STK32B: variants seen among roughly 807,000 people sequenced by gnomAD.
The protein encoded by STK32B is serine/threonine-protein kinase 32B.
In STK32B, 43 loss-of-function variants were observed where a neutral mutation model predicts 52.6. That is an observed-to-expected ratio of 0.82 (90% CI 0.64 to 1.05). The LOEUF (loss-of-function observed/expected upper bound fraction) is 1.05, where lower values mean the gene tolerates loss of function less well. Among genes scored for constraint, STK32B ranks in the 50% least tolerant of loss-of-function variants. The pLI, the probability that STK32B is intolerant of heterozygous loss-of-function variation, is 0.00. For synonymous variants in STK32B, 238 were observed against 204.3 expected (o/e 1.17, Z -1.41); for missense variants, 621 against 534.6 (o/e 1.16, Z -1.59).
chr4:5,199,965 CTGG>C (rs1181304597), intron 3 of STK32B, among the ~76,000 whole-genome samples: 1 of 152,190 alleles, frequency 6.6e-6, no homozygotes, highest in Non-Finnish European at 1.5e-5. Flanking sequence ...CTTCTTCCCT[CTGG>C]TTGAATGGAA....
At chr4:5,138,002 G>T (rs1000918858) in intron 1 of STK32B, among the ~76,000 whole-genome samples, 1 of 152,160 alleles carries the variant, frequency 6.6e-6, no homozygotes, top group Non-Finnish European at 1.5e-5. Context: ...GGAGTTTCTC[G>T]ACAGGACATG....
At chr4:5,189,925 C>T (rs1270516048) in intron 3 of STK32B, among the ~76,000 whole-genome samples, 1 of 152,148 alleles carries the variant, frequency 6.6e-6, no homozygotes, top group Non-Finnish European at 1.5e-5. Flanking sequence ...CTATTCCCAG[C>T]ATTCAGAACC....
intron 11 of STK32B, among the ~76,000 whole-genome samples, chr4:5,482,682 C>T (rs915297823): frequency 2.0e-5 from 3 of 152,154 alleles, no homozygotes; most frequent in Non-Finnish European, 4.4e-5. Flanking sequence ...AAAGGGAATG[C>T]TTCCAGTTTT....
chr4:5,364,221 T>G lies in STK32B; in HGVS notation c.434+32828T>G, dbSNP rs187376897. 4.0e-3 allele frequency among the ~76,000 whole-genome samples: 602 copies of G among 152,362 alleles called. 1 individual carries two copies. The highest frequency in any genetic ancestry group is 5.0e-3 in the Non-Finnish European group (342 of 68,042). ...GCTGCCAGGGTACAGCATCTTGTCA[T>G]AATTGTTTGCACAAAAATTCAGAAT... On this transcript the variant is annotated intron_variant, in intron 4 of 11. Transcript: ENST00000282908.
intron 3 of STK32B, among the ~76,000 whole-genome samples, chr4:5,229,942 G>C (rs1724138147): frequency 6.6e-6 from 1 of 151,980 alleles, no homozygotes; most frequent in African/African-American, 2.4e-5. Context: ...AACAATCTGA[G>C]ATCATTTTTG....
intron 3 of STK32B, among the ~76,000 whole-genome samples, chr4:5,233,186 G>C (rs911670881): frequency 1.3e-5 from 2 of 152,198 alleles, no homozygotes; most frequent in Non-Finnish European, 2.9e-5. Context: ...CAGCAATGGG[G>C]AATGGACAGG....
Position 5,220,192 on chromosome 4 carries a change from C to T in STK32B, c.260+51742C>T, listed in dbSNP as rs567092582. On this transcript the variant is annotated intron_variant, in intron 3 of 11. Coordinates refer to ENST00000282908, the MANE Select transcript of STK32B (RefSeq NM_018401.3). ...GTAACCTTTAGAGCCATAGCATGTTCGAGAACTATCCAGGGTCCTGAAGCA... is the reference window on the plus strand; with the variant it reads ...GTAACCTTTAGAGCCATAGCATGTTTGAGAACTATCCAGGGTCCTGAAGCA... Among the ~76,000 whole-genome samples the T allele has an allele frequency of 8.5e-5, 13 of 152,280 alleles. No homozygotes were observed. The South Asian group carries it at 1.7e-3, about 19-fold the overall frequency.
chr4:5,229,857 G>A (rs987552980), intron 3 of STK32B, among the ~76,000 whole-genome samples: 8 of 152,148 alleles, frequency 5.3e-5, no homozygotes, highest in African/African-American at 1.9e-4. Context: ...ACAATTTTTG[G>A]GGATGATAAT....
intron 3 of STK32B, among the ~76,000 whole-genome samples, chr4:5,270,787 T>C (rs543158658): frequency 3.9e-5 from 6 of 152,350 alleles, no homozygotes; most frequent in East Asian, 1.9e-4. Flanking sequence ...GATATGCTTA[T>C]GTCATTTATC....
In STK32B at chr4:5,078,810, C is replaced by A. The variant is rs549109780; in HGVS notation, c.52+26895C>A. On this transcript the variant is annotated intron_variant, in intron 1 of 11. Transcript: ENST00000282908. ...CCTCCACCCTCTATTACTCTTCTCC[C>A]AGAAGATCAAACTCTGCCTTTGAGA... 4.6e-5 allele frequency among the ~76,000 whole-genome samples: 7 copies of A among 152,256 alleles called. No individual in the cohort carries two copies. In the South Asian group the frequency reaches 1.4e-3, roughly 32 times the overall value.
intron 3 of STK32B, among the ~76,000 whole-genome samples, chr4:5,207,418 G>A (rs13121086): frequency 0.72 from 110,028 of 151,930 alleles, 41,214 homozygotes; most frequent in East Asian, 0.91. Flanking sequence ...TCCCTTGCAC[G>A]TGCTCTCTTG....
rs145335642 is a variant in STK32B, at chr4:5,468,435, A to G, written c.1106+365A>G. Among the ~76,000 whole-genome samples, 26 of 152,302 alleles carry G rather than the reference A, an allele frequency of 1.7e-4. No individual in the cohort carries two copies. The East Asian group carries it at 4.6e-3, about 27-fold the overall frequency. ...CCAAGTCCTGGCTCTGCCACTGCAG[A>G]GTGACCTTGCCCTGCCTGAGCCTCC... On this transcript the variant is annotated intron_variant, in intron 11 of 11. Coordinates refer to ENST00000282908, the MANE Select transcript of STK32B (RefSeq NM_018401.3).
intron 4 of STK32B, among the ~76,000 whole-genome samples, chr4:5,342,612 C>A (rs10004637): frequency 0.25 from 38,117 of 152,038 alleles, 6,551 homozygotes; most frequent in African/African-American, 0.49. Context: ...AAATCTCTCC[C>A]CAGGATCCAA....
chr4:5,107,872 G>A (rs1212547963), intron 1 of STK32B, among the ~76,000 whole-genome samples: 1 of 151,870 alleles, frequency 6.6e-6, no homozygotes, highest in Non-Finnish European at 1.5e-5. Context: ...TTAATAAATT[G>A]CCATCTTATT....
chr4:5,492,787 G>T (rs868145069), intron 11 of STK32B, among the ~76,000 whole-genome samples: 1 of 151,238 alleles, frequency 6.6e-6, no homozygotes, highest in East Asian at 1.9e-4. Context: ...TAGCATGAAG[G>T]GTTGTTGAAT....
At chr4:5,333,806 G>A (rs1732439516) in intron 4 of STK32B, among the ~76,000 whole-genome samples, 1 of 152,144 alleles carries the variant, frequency 6.6e-6, no homozygotes, top group African/African-American at 2.4e-5. Flanking sequence ...GCTTATTTCT[G>A]AGGGCTCTGT....
At chr4:5,250,952 A>G (rs779738297) in intron 3 of STK32B, among the ~76,000 whole-genome samples, 1 of 152,144 alleles carries the variant, frequency 6.6e-6, no homozygotes, top group Non-Finnish European at 1.5e-5. Flanking sequence ...CAGATCCTGG[A>G]TATTAGACCT....
chr4:5,353,193 G>C (rs1034541377), intron 4 of STK32B, among the ~76,000 whole-genome samples: 3 of 151,990 alleles, frequency 2.0e-5, no homozygotes, highest in Non-Finnish European at 4.4e-5. Flanking sequence ...TAGGAGAACT[G>C]TATATCATAT....
At chr4:5,442,297 T>G (rs1400728558) in intron 6 of STK32B, among the ~76,000 whole-genome samples, 1 of 151,968 alleles carries the variant, frequency 6.6e-6, no homozygotes. Flanking sequence ...CCTGTATTGG[T>G]TGCATATATA....
Sources: allele counts gnomAD v4.1 joint callset (sites outside exome capture counted in the v4.1 genomes callset), GRCh38; gene constraint gnomAD v4.1.1; transcripts MANE v1.5; gene names NCBI Gene and HGNC (gene_info 2026-07-23, HGNC 2026-07-21).